DMD: variants seen among roughly 807,000 people sequenced by gnomAD.
DMD encodes dystrophin.
In DMD, 63 loss-of-function variants were observed where a neutral mutation model predicts 330.1. The ratio of observed to expected loss-of-function variants is 0.19; its 90% CI spans 0.16 to 0.24. The LOEUF (loss-of-function observed/expected upper bound fraction) is 0.24, where lower values mean the gene tolerates loss of function less well. Among genes scored for constraint, DMD ranks in the 10% least tolerant of loss-of-function variants. The pLI is 1.00. For synonymous variants in DMD, 1,223 were observed against 959.8 expected, an observed-to-expected ratio of 1.27 and a Z score of -5.07; for missense variants, 3,344 against 2,684.1, an observed-to-expected ratio of 1.25 and a Z score of -5.43.
chrX:32,637,449 G>T (rs1288296652), intron 11 of DMD, among the ~76,000 whole-genome samples: 1 of 111,747 alleles, frequency 8.9e-6, no homozygotes, highest in Non-Finnish European at 1.9e-5. Flanking sequence ...AGTTTAATTT[G>T]AATTGTTCCA....
At chrX:31,512,162 C>T (rs1254402887) in intron 55 of DMD, among the ~76,000 whole-genome samples, 4 of 110,546 alleles carry the variant, frequency 3.6e-5, no homozygotes, top group African/African-American at 1.3e-4. Context: ...ATGTCCTTCA[C>T]CCACTTTTTG....
chrX:33,023,100 T>A (rs751797896), intron 1 of DMD, among the ~76,000 whole-genome samples: 144 of 112,170 alleles, frequency 1.3e-3, no homozygotes, highest in African/African-American at 4.5e-3. Flanking sequence ...TTTCGTCTTA[T>A]ATATCATTAT....
At chrX:31,155,844 C>A (rs752666087) in intron 74 of DMD, among the ~76,000 whole-genome samples, 1 of 110,113 alleles carries the variant, frequency 9.1e-6, no homozygotes, top group South Asian at 4.0e-4. Context: ...AAAAAATTAG[C>A]CATATGTCGT....
chrX:33,139,970 C>A (rs1278374889), intron 1 of DMD, among the ~76,000 whole-genome samples: 1 of 106,807 alleles, frequency 9.4e-6, no homozygotes, highest in African/African-American at 3.5e-5. Flanking sequence ...GGACTCCCAG[C>A]TTCTTCCTTT....
intron 4 of DMD, among the ~76,000 whole-genome samples, chrX:32,843,215 T>C (rs1263993308): frequency 1.8e-5 from 2 of 112,254 alleles, no homozygotes; most frequent in Admixed American, 9.4e-5. Flanking sequence ...ATAAATTAAA[T>C]CTAATAATTC....
chrX:32,658,183 T>G (rs933811426), intron 9 of DMD, among the ~76,000 whole-genome samples: 6 of 111,509 alleles, frequency 5.4e-5, no homozygotes, highest in African/African-American at 2.0e-4. Flanking sequence ...TCATCATTTA[T>G]AATATTCTTA....
chrX:31,446,502 C>T (rs1299686841), intron 59 of DMD, among the ~76,000 whole-genome samples: 1 of 111,545 alleles, frequency 9.0e-6, no homozygotes, highest in Non-Finnish European at 1.9e-5. Flanking sequence ...GTGATGTATT[C>T]ATCTGTATTC....
chrX:32,792,794 G>A (rs1261833826), intron 7 of DMD, among the ~76,000 whole-genome samples: 2 of 111,900 alleles, frequency 1.8e-5, no homozygotes, highest in Non-Finnish European at 3.8e-5. Context: ...CACCCAACAC[G>A]AGAGCTCCCA....
intron 52 of DMD, among the ~76,000 whole-genome samples, chrX:31,690,304 C>T (rs1394862750): frequency 1.8e-5 from 2 of 111,638 alleles, no homozygotes; most frequent in Non-Finnish European, 3.8e-5. Context: ...AAAAAGTGGG[C>T]GAAGGATATG....
intron 39 of DMD, among the ~76,000 whole-genome samples, chrX:32,344,125 TAATAG>T (rs1412420026): frequency 8.9e-6 from 1 of 112,075 alleles, no homozygotes; most frequent in African/African-American, 3.2e-5. Flanking sequence ...CTTCTGTGAT[TAATAG>T]AATTACTCAA....
chrX:31,553,866 G>GT (rs1480151986), intron 55 of DMD, among the ~76,000 whole-genome samples: 2 of 112,560 alleles, frequency 1.8e-5, no homozygotes, highest in Non-Finnish European at 1.9e-5. Context: ...AAAAGACAAT[G>GT]TTTTTTTACT....
At chrX:31,297,460 T>C (rs925127085) in intron 62 of DMD, among the ~76,000 whole-genome samples, 2 of 111,840 alleles carry the variant, frequency 1.8e-5, no homozygotes, top group South Asian at 3.8e-4. Context: ...AAGAAAGATA[T>C]AATGTTTAAG....
intron 1 of DMD, among the ~76,000 whole-genome samples, chrX:33,314,570 GTTTTTT>G (rs1170142842): frequency 1.3e-5 from 1 of 79,052 alleles, no homozygotes; most frequent in African/African-American, 4.8e-5. Context: ...TTTTTTTTTT[GTTTTTT>G]TTTTTTTTTT....
intron 41 of DMD, among the ~76,000 whole-genome samples, chrX:32,314,906 G>A (rs1248186392): frequency 8.9e-6 from 1 of 111,803 alleles, no homozygotes; most frequent in Non-Finnish European, 1.9e-5. Flanking sequence ...TGGAGAAGAT[G>A]TGGAGAAATA....
chrX:32,501,960 G>C (rs921792604), intron 18 of DMD, 118 bp from the exon 19 acceptor site: 1 of 547,306 alleles, frequency 1.8e-6, no homozygotes, highest in Admixed American at 2.8e-5. Context: ...AGCTTATCAC[G>C]TGAATCTAAA....
In DMD at chrX:32,412,179, GA is replaced by G. The variant is rs753288164; in HGVS notation, c.4072-267del. ...TCACGTACATTAAGGAAATAGGCTG[GA>G]AAAAAAATTAGCAAAATCATCTCAG... On this transcript the variant is annotated intron_variant, in intron 29 of 78. Transcript: ENST00000357033. 32 of 1,097,534 alleles carry G rather than the reference GA, an allele frequency of 2.9e-5. No homozygotes were observed. The highest frequency in any genetic ancestry group is 1.3e-4 in the African/African-American group (7 of 54,432). The allele number at this position is 1,097,534 out of a possible 1,213,427, so 90.4% of individuals were successfully genotyped here. A position where few individuals can be genotyped will look rare whatever the true frequency, so the allele number is the denominator to read the frequency against.
At chrX:32,698,633 G>A (rs377510318) in intron 8 of DMD, among the ~76,000 whole-genome samples, 3 of 111,619 alleles carry the variant, frequency 2.7e-5, no homozygotes. Context: ...TTGTTTATTT[G>A]AAATAGTTTA....
intron 56 of DMD, among the ~76,000 whole-genome samples, chrX:31,501,557 G>A (rs1292365012): frequency 1.8e-5 from 2 of 111,767 alleles, no homozygotes; most frequent in Non-Finnish European, 3.8e-5. Flanking sequence ...TAGGTAAAAC[G>A]CAGAGCCTTT....
intron 1 of DMD, among the ~76,000 whole-genome samples, chrX:33,239,826 A>G (rs912019913): frequency 9.0e-6 from 1 of 111,628 alleles, no homozygotes; most frequent in African/African-American, 3.3e-5. Flanking sequence ...ACACTCTGAA[A>G]TGCTCCAAAA....
Sources: allele counts gnomAD v4.1 joint callset (sites outside exome capture counted in the v4.1 genomes callset), GRCh38; gene constraint gnomAD v4.1.1; transcripts MANE v1.5; gene names NCBI Gene and HGNC (gene_info 2026-07-23, HGNC 2026-07-21).